The following FRMD4B variants were observed in gnomAD, a reference collection of about 807,000 sequenced individuals.
FRMD4B encodes FERM domain containing 4B.
A neutral mutation model predicts 141.5 loss-of-function variants in FRMD4B; 74 were observed. The observed-to-expected ratio is 0.52, with a 90% CI of 0.43 to 0.63. FRMD4B has a LOEUF of 0.63. Ranked by LOEUF, FRMD4B falls within the 30% of genes least tolerant of loss-of-function variation. The pLI, the probability that FRMD4B is intolerant of heterozygous loss-of-function variation, is 0.00. For synonymous variants in FRMD4B, 506 were observed against 467.9 expected, an observed-to-expected ratio of 1.08 and a Z score of -1.05; for missense variants, 1,366 against 1,253.4, an observed-to-expected ratio of 1.09 and a Z score of -1.36.
chr3:69,260,378 C>T (rs1035454249), intron 5 of FRMD4B, among the ~76,000 whole-genome samples: 3 of 152,232 alleles, frequency 2.0e-5, no homozygotes, highest in Non-Finnish European at 2.9e-5. Flanking sequence ...AGCGGCTGGT[C>T]GTCGCCGCCA....
intron 1 of FRMD4B, among the ~76,000 whole-genome samples, chr3:69,334,764 T>C (rs1209455818): frequency 6.6e-6 from 1 of 152,190 alleles, no homozygotes; most frequent in East Asian, 1.9e-4. Flanking sequence ...CATTCACATA[T>C]TCACAAATAT....
intron 1 of FRMD4B, among the ~76,000 whole-genome samples, chr3:69,358,602 G>C (rs11720197): frequency 0.27 from 41,369 of 151,958 alleles, 6,419 homozygotes; most frequent in Non-Finnish European, 0.34. Flanking sequence ...CAAGTGTGGT[G>C]GCATGCGCCT....
chr3:69,190,813 G>C (rs2092827396), intron 17 of FRMD4B, among the ~76,000 whole-genome samples: 1 of 152,154 alleles, frequency 6.6e-6, no homozygotes, highest in African/African-American at 2.4e-5. Flanking sequence ...AGGATTTCCA[G>C]CCTCCCTGGT....
chr3:69,243,810 C>T (rs994812233), intron 7 of FRMD4B, among the ~76,000 whole-genome samples: 1 of 152,140 alleles, frequency 6.6e-6, no homozygotes, highest in African/African-American at 2.4e-5. Context: ...CTTTGGGAGG[C>T]CTAGACGGGC....
chr3:69,346,810 C>G (rs1702958716), intron 1 of FRMD4B, among the ~76,000 whole-genome samples: 1 of 152,118 alleles, frequency 6.6e-6, no homozygotes, highest in Non-Finnish European at 1.5e-5. Context: ...CAGGCCTGCC[C>G]TAAAAGAGCT....
At chr3:69,324,979 T>C (rs1702131341) in intron 1 of FRMD4B, among the ~76,000 whole-genome samples, 1 of 151,392 alleles carries the variant, frequency 6.6e-6, no homozygotes, top group African/African-American at 2.4e-5. Context: ...CTTGAGAGGC[T>C]GAGGCAGGAA....
At chr3:69,356,602 T>C (rs1211926240) in intron 1 of FRMD4B, among the ~76,000 whole-genome samples, 4 of 149,180 alleles carry the variant, frequency 2.7e-5, no homozygotes, top group Admixed American at 1.3e-4. Context: ...CACACATACA[T>C]ATATACACAC....
At chr3:69,331,810 C>A (rs1702378177) in intron 1 of FRMD4B, among the ~76,000 whole-genome samples, 1 of 152,112 alleles carries the variant, frequency 6.6e-6, no homozygotes, top group Non-Finnish European at 1.5e-5. Flanking sequence ...AAGTAATTGG[C>A]TGGGCATGGT....
intron 4 of FRMD4B, among the ~76,000 whole-genome samples, chr3:69,297,683 A>G (rs1352537540): frequency 2.0e-5 from 3 of 152,070 alleles, no homozygotes; most frequent in Non-Finnish European, 4.4e-5. Flanking sequence ...AAGCCTTTCA[A>G]ATGTTCACAT....
intron 7 of FRMD4B, among the ~76,000 whole-genome samples, chr3:69,239,844 G>C (rs1285203187): frequency 6.6e-6 from 1 of 152,056 alleles, no homozygotes; most frequent in Non-Finnish European, 1.5e-5. Flanking sequence ...ATTGCCTCAA[G>C]AGTTCGAGAC....
intron 1 of FRMD4B, among the ~76,000 whole-genome samples, chr3:69,332,836 C>T (rs963132008): frequency 6.7e-6 from 1 of 149,566 alleles, no homozygotes; most frequent in African/African-American, 2.5e-5. Context: ...AATCCTCCCG[C>T]CTTAAGCGCT....
At chr3:69,203,346 AAAGAAAG>A (rs2092990909) in intron 11 of FRMD4B, among the ~76,000 whole-genome samples, 1 of 122,494 alleles carries the variant, frequency 8.2e-6, no homozygotes, top group Admixed American at 7.9e-5. Context: ...AAAAAAAAAG[AAAGAAAG>A]AAAGAAAAAT....
chr3:69,384,844 G>A (rs1448014064), intron 1 of FRMD4B, among the ~76,000 whole-genome samples: 24 of 152,078 alleles, frequency 1.6e-4, no homozygotes, highest in Admixed American at 1.6e-3. Flanking sequence ...TCATGTATGA[G>A]ACACAATATA....
rs753435912 is a variant in FRMD4B at position 69,250,055 on chromosome 3, C to T, written c.546G>A (p.Ala182=). ...TGTCCAATCTTACCTGTAAAATAAA[C>T]GCTGCTAACTTGAAGATGGTTTCGC... ...VESETIFKLA[A]FILQEAKGDY... Residue 182 remains alanine (A), a synonymous_variant, in exon 6 of 23, where the codon GCG becomes GCA. Coordinates refer to ENST00000398540, the MANE Select transcript of FRMD4B (RefSeq NM_015123.3). 43 of 1,609,014 alleles carry T rather than the reference C, an allele frequency of 2.7e-5. No individual in the cohort carries two copies. The highest frequency in any genetic ancestry group is 5.5e-5 in the South Asian group (5 of 90,998).
chr3:69,187,552 A>ATAC (rs916997140), intron 19 of FRMD4B, among the ~76,000 whole-genome samples: 2 of 143,614 alleles, frequency 1.4e-5, no homozygotes, highest in African/African-American at 5.2e-5. Flanking sequence ...AAAAAAAAAA[A>ATAC]ATATATATAT....
Position 69,528,842 on chromosome 3 carries a change from C to A in FRMD4B, c.-129+13364G>T, listed in dbSNP as rs79847814. ...TACTAGCCTATTAAGTCACCTATCA[C>A]CATGGTGATACTCACCATGGTGGAA... On this transcript the variant is annotated intron_variant, in intron 1 of 5. Transcript: ENST00000459638. Among the ~76,000 whole-genome samples the A allele has an allele frequency of 5.6e-3, 847 of 151,930 alleles. 6 individuals carry two copies. The highest frequency in any genetic ancestry group is 0.019 in the African/African-American group (775 of 41,404).
At chr3:69,230,227 T>C (rs111607351) in intron 7 of FRMD4B, among the ~76,000 whole-genome samples, 8,501 of 152,004 alleles carry the variant, frequency 0.056, 450 homozygotes, top group African/African-American at 0.13. Flanking sequence ...CCACCTGCCT[T>C]GGCCTCCCAA....
At chr3:69,330,322 A>T (rs1424851321) in intron 1 of FRMD4B, among the ~76,000 whole-genome samples, 9 of 95,246 alleles carry the variant, frequency 9.4e-5, no homozygotes, top group South Asian at 3.3e-4. Context: ...ATACAACATT[A>T]TATTTTGATT....
At chr3:69,211,486 A>G (rs1255376726) in intron 11 of FRMD4B, among the ~76,000 whole-genome samples, 1 of 152,216 alleles carries the variant, frequency 6.6e-6, no homozygotes, top group African/African-American at 2.4e-5. Context: ...AGGTCAAACA[A>G]ATACCTCCCT....
Sources: allele counts gnomAD v4.1 joint callset (sites outside exome capture counted in the v4.1 genomes callset), GRCh38; gene constraint gnomAD v4.1.1; transcripts MANE v1.5; gene names NCBI Gene and HGNC (gene_info 2026-07-23, HGNC 2026-07-21).